NDST3: variants seen among roughly 807,000 people sequenced by gnomAD.
The protein encoded by NDST3 is bifunctional heparan sulfate N-deacetylase/N-sulfotransferase 3.
NDST3 carries 58 observed loss-of-function variants against 96.1 expected under a neutral mutation model. The ratio of observed to expected loss-of-function variants is 0.60; its 90% CI spans 0.49 to 0.75. The LOEUF (loss-of-function observed/expected upper bound fraction) is 0.75. Among genes scored for constraint, NDST3 ranks in the 30% least tolerant of loss-of-function variants. The probability of loss-of-function intolerance (pLI) is 0.00; values close to 1 mark genes in which losing one functional copy is unlikely to be tolerated. For synonymous variants in NDST3, 333 were observed against 359.7 expected, an observed-to-expected ratio of 0.93 and a Z score of 0.84; for missense variants, 788 against 1,034.2, an observed-to-expected ratio of 0.76 and a Z score of 3.27.
chr4:118,094,670 A>T (rs1212232548), intron 2 of NDST3, among the ~76,000 whole-genome samples: 1 of 151,834 alleles, frequency 6.6e-6, no homozygotes, highest in African/African-American at 2.4e-5. Flanking sequence ...TAATTAATTT[A>T]TTCTTTCATT....
At chr4:118,170,133 T>A (rs909652027) in intron 6 of NDST3, among the ~76,000 whole-genome samples, 2 of 152,106 alleles carry the variant, frequency 1.3e-5, no homozygotes, top group Non-Finnish European at 2.9e-5. Flanking sequence ...AAATAAATTA[T>A]CTCTCTTTAT....
chr4:118,101,847 T>G (rs1729790667), intron 2 of NDST3, among the ~76,000 whole-genome samples: 1 of 152,124 alleles, frequency 6.6e-6, no homozygotes, highest in African/African-American at 2.4e-5. Flanking sequence ...TGTACAACAA[T>G]AGGATAAAAT....
chr4:118,043,320 T>C (rs966448444), intron 1 of NDST3, among the ~76,000 whole-genome samples: 1 of 152,228 alleles, frequency 6.6e-6, no homozygotes, highest in Non-Finnish European at 1.5e-5. Context: ...TGCCATTGTA[T>C]TCCATTAATT....
In NDST3 at chr4:118,181,960, G is replaced by C. The variant is rs192920672; in HGVS notation, c.1539+38276G>C. 4.0e-3 allele frequency among the ~76,000 whole-genome samples: 603 copies of C among 152,258 alleles called. 10 individuals are homozygous for C. The highest frequency in any genetic ancestry group is 0.012 in the African/African-American group (497 of 41,550). ...GGACAAAAATTAATAAGCCTTTTAT[G>C]ATTTAACCAAGGATTCACAAGTCAT... On this transcript the variant is annotated intron_variant, in intron 6 of 13. Transcript: ENST00000296499.
At chr4:118,047,465 G>C (rs1334870948) in intron 1 of NDST3, among the ~76,000 whole-genome samples, 1 of 152,188 alleles carries the variant, frequency 6.6e-6, no homozygotes, top group Non-Finnish European at 1.5e-5. Flanking sequence ...GAAAGGTTGA[G>C]ATTCAGAAGA....
chr4:118,114,132 TGA>T (rs1730863123), intron 3 of NDST3, among the ~76,000 whole-genome samples: 2 of 151,722 alleles, frequency 1.3e-5, no homozygotes, highest in Admixed American at 1.3e-4. Context: ...TCCAACAACT[TGA>T]GAGAAAGGAC....
chr4:118,194,484 C>A, intron 6 of NDST3: 4 of 723,554 alleles, frequency 5.5e-6, no homozygotes, highest in Non-Finnish European at 7.8e-6. Flanking sequence ...ATGGCAATGT[C>A]CCAAGCCTTG....
chr4:118,246,514 G>A (rs1418508913), intron 12 of NDST3, among the ~76,000 whole-genome samples: 1 of 152,166 alleles, frequency 6.6e-6, no homozygotes, highest in Non-Finnish European at 1.5e-5. Context: ...GCTGAGGCAG[G>A]AGAATCACTT....
At chr4:118,241,111 G>A (rs760650478) in intron 11 of NDST3, among the ~76,000 whole-genome samples, 2 of 152,100 alleles carry the variant, frequency 1.3e-5, no homozygotes, top group Non-Finnish European at 2.9e-5. Context: ...TCTTCTGCCT[G>A]GCATCAACCT....
intron 6 of NDST3, among the ~76,000 whole-genome samples, chr4:118,159,530 A>C (rs1734951211): frequency 6.6e-6 from 1 of 152,194 alleles, no homozygotes; most frequent in Non-Finnish European, 1.5e-5. Context: ...AAAGGTAACA[A>C]GGCGCATTAA....
chr4:118,050,300 C>T (rs1194116914), intron 1 of NDST3, among the ~76,000 whole-genome samples: 1 of 152,044 alleles, frequency 6.6e-6, no homozygotes, highest in Admixed American at 6.6e-5. Flanking sequence ...AAGCTGGAAC[C>T]ACTACTCTTG....
rs368993864 is a variant in NDST3, at chr4:118,251,125, A to T, written c.2400-2374A>T. 1.1e-3 allele frequency among the ~76,000 whole-genome samples: 122 copies of T among 111,624 alleles called. 1 individual carries two copies. The highest frequency in any genetic ancestry group is 1.3e-3 in the Non-Finnish European group (70 of 53,748). The allele number at this position is 111,624 out of a possible 152,430, so 73.2% of individuals were successfully genotyped here. Reference sequence around the variant, plus strand: ...ATTTATTTATTTATTTATTATTTTTATTTTATTTTTTTTTTTTTTGAGACG... The same window carrying T: ...ATTTATTTATTTATTTATTATTTTTTTTTTATTTTTTTTTTTTTTGAGACG... On this transcript the variant is annotated intron_variant, in intron 12 of 13. Coordinates refer to ENST00000296499, the MANE Select transcript of NDST3 (RefSeq NM_004784.3).
intron 2 of NDST3, among the ~76,000 whole-genome samples, chr4:118,079,840 A>G (rs1727865853): frequency 6.6e-6 from 1 of 152,208 alleles, no homozygotes; most frequent in Non-Finnish European, 1.5e-5. Flanking sequence ...GTGAGAAGTT[A>G]ACGGGCTTGA....
chr4:118,172,144 G>C (rs1735993339), intron 6 of NDST3, among the ~76,000 whole-genome samples: 1 of 152,178 alleles, frequency 6.6e-6, no homozygotes, highest in African/African-American at 2.4e-5. Context: ...CATGGTCAAG[G>C]TGATATTCTC....
chr4:118,054,757 C>A lies in NDST3; in HGVS notation c.847C>A (p.Leu283Ile), dbSNP rs565579992. 4 of 1,613,376 alleles carry A rather than the reference C, an allele frequency of 2.5e-6. No individual in the cohort carries two copies. Among genetic ancestry groups the A allele is most frequent in the Admixed American group, 3.3e-5 (2 of 59,932 alleles). The change falls in exon 2 of 14, where the codon CTC becomes ATC. Residue 283 changes from leucine to isoleucine, a missense_variant. By Grantham distance (5) the Leu-to-Ile change is conservative (BLOSUM62 2). Around this residue, in one of 3 missense-constraint regions of NDST3, gnomAD observed 490 missense variants for 708.8 expected, o/e 0.69. Transcript: ENST00000296499. The part of the protein sequence containing the change: ...GNNLNFWLHK[L>I]IFIDAISFLS... ...CAACTTGAACTTTTGGCTGCACAAG[C>A]TCATCTTCATAGATGCCATCTCCTT... is the stretch of plus-strand genomic sequence containing the variant.
At position 118,179,333 on chromosome 4, in the gene NDST3, C is replaced by T. The variant is rs150199553; in HGVS notation, c.1539+35649C>T. Among the ~76,000 whole-genome samples the T allele has an allele frequency of 3.6e-3, 553 of 152,040 alleles. 1 individual carries two copies. Among genetic ancestry groups the T allele is most frequent in the African/African-American group, 0.013 (539 of 41,488 alleles). Reference sequence around the variant, plus strand: ...TCACATATTTTTAACATTAGTACTGCATAAGAAAACATTTATTCCTATAAA... The same window carrying T: ...TCACATATTTTTAACATTAGTACTGTATAAGAAAACATTTATTCCTATAAA... On this transcript the variant is annotated intron_variant, in intron 6 of 13. Coordinates refer to ENST00000296499, the MANE Select transcript of NDST3 (RefSeq NM_004784.3).
At chr4:118,192,623 T>C (rs1174978907) in intron 6 of NDST3, among the ~76,000 whole-genome samples, 1 of 152,208 alleles carries the variant, frequency 6.6e-6, no homozygotes, top group African/African-American at 2.4e-5. Flanking sequence ...GGGTTCTCTA[T>C]TCTGTTTCAT....
In NDST3 at chr4:118,253,538, A is replaced by G; in HGVS notation, c.2439A>G (p.Glu813=). ...SHKGFWCQLL[E]EGKTKCLGKS... Reference sequence around the variant, plus strand: ...AAGGTTTCTGGTGTCAGTTACTGGAAGAAGGTAAAACAAAATGCCTTGGAA... The same window carrying G: ...AAGGTTTCTGGTGTCAGTTACTGGAGGAAGGTAAAACAAAATGCCTTGGAA... The change falls in exon 13 of 14, where the codon GAA becomes GAG. Residue 813 remains glutamate, a synonymous_variant. Coordinates refer to ENST00000296499, the MANE Select transcript of NDST3 (RefSeq NM_004784.3). 1.2e-6 allele frequency: 2 copies of G among 1,613,136 alleles called. No homozygotes were observed. The highest frequency in any genetic ancestry group is 1.7e-6 in the Non-Finnish European group (2 of 1,179,452).
intron 1 of NDST3, among the ~76,000 whole-genome samples, chr4:118,051,962 G>T (rs79108550): frequency 6.6e-6 from 1 of 152,052 alleles, no homozygotes; most frequent in South Asian, 2.1e-4. Context: ...CAGCCGCTAT[G>T]GAAAGAAGTT....
Sources: gnomAD v4.1 joint callset for allele counts (sites outside exome capture counted in the v4.1 genomes callset) on GRCh38, gnomAD v4.1.1 for gene constraint, gnomAD v4.1.1 regional missense constraint, MANE v1.5 for transcripts, NCBI Gene and HGNC (gene_info 2026-07-23, HGNC 2026-07-21) for gene names.